POLDIP3: variants seen among roughly 807,000 people sequenced by gnomAD.
POLDIP3 encodes the protein polymerase delta-interacting protein 3.
POLDIP3 carries 14 observed loss-of-function variants against 45.1 expected under a neutral mutation model. The observed-to-expected ratio is 0.31, with a 90% CI of 0.20 to 0.49. The LOEUF (loss-of-function observed/expected upper bound fraction) is 0.49, where lower values mean the gene tolerates loss of function less well. POLDIP3 is among the 20% of genes least tolerant of loss of function. POLDIP3 has a pLI of 0.99. For missense variants in POLDIP3, 511 were observed against 538.8 expected (o/e 0.95, Z 0.51); for synonymous variants, 223 against 205.2 (o/e 1.09, Z -0.74).
Position 42,603,087 on chromosome 22 carries a change from T to C in POLDIP3, c.133A>G (p.Thr45Ala), listed in dbSNP as rs780089261. The C allele has an allele frequency of 1.1e-5, 17 of 1,614,098 alleles. No homozygotes were observed. Among genetic ancestry groups the C allele is most frequent in the Admixed American group, 1.0e-4 (6 of 60,006 alleles). ...GIQQGLLSQS[T>A]RTATFQQRFD... The stretch of plus-strand genomic sequence containing the variant: ...CTCTGCTGGAAGGTGGCTGTGCGTG[T>C]TGACTGGCTGAGAAGGCCTTGCTGG... The change falls in exon 2 of 9, where the codon ACA becomes GCA. Residue 45 changes from threonine to alanine, a missense_variant. Physicochemically the swap from Thr to Ala is moderately conservative, Grantham distance 58. Coordinates refer to ENST00000252115, the MANE Select transcript of POLDIP3 (RefSeq NM_032311.5).
chr22:42,585,845 C>A lies in POLDIP3; in HGVS notation c.1212G>T (p.Lys404Asn). 1 of 1,613,118 alleles carries A rather than the reference C, an allele frequency of 6.2e-7. No individual in the cohort carries two copies. Among genetic ancestry groups the A allele is most frequent in the Non-Finnish European group, 8.5e-7 (1 of 1,179,998 alleles). The change falls in exon 9 of 9, where the codon AAG (lysine) becomes AAT (asparagine). Residue 404 changes from lysine (K) to asparagine (N), a missense_variant. Transcript: ENST00000252115. ...DPDTILKALF[K>N]SSGASVTTQP... ...GCGTGGTCACAGAGGCCCCTGAGGA[C>A]TTGAAGAGTGCCTTCAGGATGGTGT...
chr22:42,602,732 T>C, intron 2 of POLDIP3, 38 bp downstream of exon 2: 1 of 1,554,840 alleles, frequency 6.4e-7, no homozygotes, highest in East Asian at 2.3e-5. Context: ...CCTTTGTTAC[T>C]AGCTTTCTGG....
At chr22:42,588,586 A>T (rs1360577379) in intron 7 of POLDIP3, among the ~76,000 whole-genome samples, 1 of 151,050 alleles carries the variant, frequency 6.6e-6, no homozygotes, top group Non-Finnish European at 1.5e-5. Context: ...AACCAGTAAG[A>T]TCTAACTATA....
intron 7 of POLDIP3, among the ~76,000 whole-genome samples, chr22:42,588,182 G>A (rs6002804): frequency 0.032 from 4,832 of 152,266 alleles, 207 homozygotes; most frequent in African/African-American, 0.1. Flanking sequence ...GGGGCCGGGC[G>A]CGGTGGCTCA....
intron 1 of POLDIP3, among the ~76,000 whole-genome samples, chr22:42,612,833 C>CA (rs1156638837): frequency 1.3e-5 from 2 of 150,714 alleles, no homozygotes; most frequent in African/African-American, 2.5e-5. Flanking sequence ...CTCAAAAAAA[C>CA]AAACAAAAAA....
chr22:42,602,735 C>T, intron 2 of POLDIP3, 35 bp downstream of exon 2: 2 of 1,557,302 alleles, frequency 1.3e-6, no homozygotes, highest in Non-Finnish European at 1.7e-6. Context: ...TTGTTACTAG[C>T]TTTCTGGGAA....
intron 3 of POLDIP3, among the ~76,000 whole-genome samples, chr22:42,600,750 A>T (rs1926311045): frequency 6.6e-6 from 1 of 152,050 alleles, no homozygotes; most frequent in Non-Finnish European, 1.5e-5. Context: ...TGGGCGAATT[A>T]CCTGAGGTCA....
At chr22:42,613,050 T>C (rs755186353) in intron 1 of POLDIP3, among the ~76,000 whole-genome samples, 6 of 152,074 alleles carry the variant, frequency 3.9e-5, no homozygotes, top group East Asian at 1.9e-4. Flanking sequence ...CACAAAACTC[T>C]GCACACACTA....
intron 2 of POLDIP3, 115 bp from the exon 3 acceptor site, chr22:42,602,171 G>A: frequency 6.5e-7 from 1 of 1,532,872 alleles, no homozygotes; most frequent in Non-Finnish European, 8.9e-7. Flanking sequence ...TTTGGTAAAA[G>A]GCACTACAGA....
chr22:42,597,965 G>A (rs1228507407), intron 4 of POLDIP3, among the ~76,000 whole-genome samples: 1 of 151,384 alleles, frequency 6.6e-6, no homozygotes, highest in African/African-American at 2.4e-5. Context: ...TTTTAGTAGA[G>A]ACGGGATTTC....
At chr22:42,605,512 A>G (rs780070249) in intron 1 of POLDIP3, among the ~76,000 whole-genome samples, 2 of 152,180 alleles carry the variant, frequency 1.3e-5, no homozygotes, top group African/African-American at 2.4e-5. Flanking sequence ...GCATGCTATC[A>G]TTTTTCTCTT....
chr22:42,586,887 G>A (rs1031347756), intron 8 of POLDIP3, among the ~76,000 whole-genome samples: 3 of 151,984 alleles, frequency 2.0e-5, no homozygotes, highest in African/African-American at 7.3e-5. Flanking sequence ...CTCAGTCCTG[G>A]GCCAGGCATG....
Position 42,601,951 on chromosome 22 carries a change from T to A in POLDIP3, c.537+19A>T, listed in dbSNP as rs1328821509. 49 of 1,608,754 alleles carry A rather than the reference T, an allele frequency of 3.0e-5. No homozygotes were observed. The highest frequency in any genetic ancestry group is 6.6e-5 in the South Asian group (6 of 90,684). On this transcript the variant is annotated intron_variant, in intron 3 of 8. Transcript: ENST00000252115. Reference sequence around the variant, plus strand: ...TGTACACACAGATTCTCTCTCTCTCTCTCACTCACTCACTCTACCTGTTTG... The same window carrying A: ...TGTACACACAGATTCTCTCTCTCTCACTCACTCACTCACTCTACCTGTTTG...
intron 1 of POLDIP3, among the ~76,000 whole-genome samples, chr22:42,605,126 A>AGTTTT (rs201420055): frequency 0.021 from 3,168 of 152,102 alleles, 53 homozygotes; most frequent in Non-Finnish European, 0.029. Flanking sequence ...TCTTTTCTTC[A>AGTTTT]GTTTTGTTTT....
chr22:42,586,626 T>C (rs1042675818), intron 8 of POLDIP3, among the ~76,000 whole-genome samples: 8 of 152,216 alleles, frequency 5.3e-5, no homozygotes, highest in South Asian at 2.1e-4. Context: ...CCCAAACTTA[T>C]TAGGTTACAA....
chr22:42,597,532 C>T (rs1926070060), intron 4 of POLDIP3: 1 of 316,346 alleles, frequency 3.2e-6, no homozygotes, highest in African/African-American at 2.2e-5. Context: ...TGATGTTGAA[C>T]AGGCTTATTT....
Position 42,585,540 on chromosome 22 carries a change from G to A in POLDIP3, c.*251C>T, listed in dbSNP as rs556397902. ...GCTGAGGCTCGGGGAGGCACACACT[G>A]AAAAACACAAGCCTACCTTGGCGAT... On this transcript the variant is annotated 3_prime_UTR_variant, in exon 9 of 9. Coordinates refer to ENST00000252115, the MANE Select transcript of POLDIP3 (RefSeq NM_032311.5). The A allele has an allele frequency of 9.7e-4, 474 of 490,744 alleles. 3 individuals carry two copies. The highest frequency in any genetic ancestry group is 8.2e-3 in the African/African-American group (421 of 51,216). 30.4% of individuals were successfully genotyped at this position (490,744 alleles called of 1,614,324 possible). A position where few individuals can be genotyped will look rare whatever the true frequency, so the allele number is the denominator to read the frequency against.
chr22:42,598,937 G>A (rs1926172432), intron 4 of POLDIP3, among the ~76,000 whole-genome samples: 1 of 152,228 alleles, frequency 6.6e-6, no homozygotes, highest in African/African-American at 2.4e-5. Context: ...AGCCTAGCAA[G>A]CTTTCCCTGC....
At chr22:42,597,945 A>G (rs1328847568) in intron 4 of POLDIP3, among the ~76,000 whole-genome samples, 4 of 150,124 alleles carry the variant, frequency 2.7e-5, no homozygotes, top group Admixed American at 2.7e-4. Flanking sequence ...ATGCCCAGCT[A>G]ATTTTTTATT....
Sources: gnomAD v4.1 joint callset for allele counts (sites outside exome capture counted in the v4.1 genomes callset) on GRCh38, gnomAD v4.1.1 for gene constraint, MANE v1.5 for transcripts, NCBI Gene and HGNC (gene_info 2026-07-23, HGNC 2026-07-21) for gene names.